The following GSAP variants were observed in gnomAD, a reference collection of about 807,000 sequenced individuals.
The protein encoded by GSAP is gamma-secretase activating protein.
A neutral mutation model predicts 131.7 loss-of-function variants in GSAP; 118 were observed. The ratio of observed to expected loss-of-function variants is 0.90; its 90% confidence interval spans 0.77 to 1.04. GSAP has a LOEUF of 1.04. Among genes scored for constraint, GSAP ranks in the 50% least tolerant of loss-of-function variants. GSAP has a pLI of 0.00. For synonymous variants in GSAP, 381 were observed against 363.4 expected (o/e 1.05, Z -0.55); for missense variants, 1,019 against 1,013.2 (o/e 1.01, Z -0.08).
chr7:77,351,705 AG>A, intron 18 of GSAP: 6 of 985,844 alleles, frequency 6.1e-6, no homozygotes, highest in Non-Finnish European at 7.2e-6. Context: ...GAAGTGCAAA[AG>A]GGAAGCGTTA....
intron 1 of GSAP, among the ~76,000 whole-genome samples, chr7:77,414,766 A>C (rs907558306): frequency 6.7e-6 from 1 of 149,376 alleles, no homozygotes; most frequent in Non-Finnish European, 1.5e-5. Flanking sequence ...AAAAAGGAGT[A>C]CTTGGTAGTA....
chr7:77,375,206 A>G, intron 10 of GSAP, 105 bp from the exon 11 acceptor site: 1 of 631,986 alleles, frequency 1.6e-6, no homozygotes, highest in South Asian at 2.0e-5. Context: ...ATGTTTGCCT[A>G]ATAATGATAT....
Position 77,314,420 on chromosome 7 carries a change from T to C in GSAP, c.2159A>G (p.Asp720Gly), listed in dbSNP as rs937912521. 1.9e-6 allele frequency: 3 copies of C among 1,613,758 alleles called. No individual in the cohort carries two copies. The highest frequency in any genetic ancestry group is 2.5e-6 in the Non-Finnish European group (3 of 1,179,768). Residue 720 changes from aspartate (D) to glycine (G), a missense_variant, in exon 27 of 31, where the codon GAC (aspartate) becomes GGC (glycine). By Grantham distance (94) the Asp-to-Gly change is moderately conservative. Transcript: ENST00000257626. Reference protein sequence around the residue: ...LPLHNLLHCIDSGVLLLTETA... With the variant: ...LPLHNLLHCIGSGVLLLTETA... ...TTCAGTGAGAAGCAACACTCCACTG[T>C]CAATGCAATGCAGCAGGTTATGCAA...
chr7:77,412,510 T>A (rs934480359), intron 1 of GSAP, among the ~76,000 whole-genome samples: 1 of 151,992 alleles, frequency 6.6e-6, no homozygotes, highest in Non-Finnish European at 1.5e-5. Flanking sequence ...TAATTTAGAC[T>A]ACATTAAAAT....
Position 77,352,926 on chromosome 7 carries a change from TAC to T in GSAP, c.1491+16_1491+17del, listed in dbSNP as rs754916187. 2.9e-5 allele frequency: 40 copies of T among 1,393,930 alleles called. No individual in the cohort carries two copies. Among genetic ancestry groups the T allele is most frequent in the Non-Finnish European group, 3.2e-5 (31 of 979,888 alleles). 86.3% of individuals were successfully genotyped at this position (1,393,930 alleles called of 1,614,324 possible). ...GAATTGATTTTATTTGCATACAGCA[TAC>T]ACAGTGTTAACTTACTGTATTCCAA... On this transcript the variant is annotated intron_variant, in intron 18 of 30. Transcript: ENST00000257626.
intron 1 of GSAP, among the ~76,000 whole-genome samples, chr7:77,407,381 GA>G (rs1360637048): frequency 6.6e-6 from 1 of 152,108 alleles, no homozygotes; most frequent in South Asian, 2.1e-4. Flanking sequence ...ATCCACTTGA[GA>G]TTTTTTCCTC....
At chr7:77,378,759 G>C (rs189782540) in intron 8 of GSAP, among the ~76,000 whole-genome samples, 1 of 152,282 alleles carries the variant, frequency 6.6e-6, no homozygotes, top group Admixed American at 6.5e-5. Context: ...CCCTTTCAGT[G>C]CATCAGCTGA....
At chr7:77,335,348 A>T (rs1018417125) in intron 19 of GSAP, among the ~76,000 whole-genome samples, 4 of 152,224 alleles carry the variant, frequency 2.6e-5, no homozygotes, top group Non-Finnish European at 5.9e-5. Context: ...CAGTAAGCCA[A>T]GAACATGCCA....
chr7:77,378,411 C>T (rs1797283144), intron 8 of GSAP, among the ~76,000 whole-genome samples: 1 of 151,860 alleles, frequency 6.6e-6, no homozygotes, highest in Non-Finnish European at 1.5e-5. Context: ...TTGAATCCAA[C>T]AGGCGGAGGT....
chr7:77,329,466 C>A, intron 20 of GSAP, 75 bp from the exon 21 acceptor site: 1 of 706,458 alleles, frequency 1.4e-6, no homozygotes, highest in South Asian at 2.1e-5. Flanking sequence ...GGATATAATG[C>A]AATACAGTTA....
chr7:77,315,610 GT>G (rs1794883773), intron 26 of GSAP: 2 of 152,288 alleles, frequency 1.3e-5, no homozygotes, highest in South Asian at 4.1e-4. Flanking sequence ...AAATAATAAT[GT>G]GTAAGTTGAA....
At chr7:77,362,537 G>C in intron 13 of GSAP, 46 bp downstream of exon 13, 1 of 1,030,564 alleles carries the variant, frequency 9.7e-7, no homozygotes, top group Non-Finnish European at 1.5e-6. Flanking sequence ...GCTACTATTT[G>C]GAAAAAGTTA....
At chr7:77,388,598 T>G (rs936234964) in intron 5 of GSAP, among the ~76,000 whole-genome samples, 2 of 152,248 alleles carry the variant, frequency 1.3e-5, no homozygotes, top group African/African-American at 2.4e-5. Flanking sequence ...AGGACTGGCC[T>G]TATATTTGAG....
rs144793374 is a variant in GSAP, at chr7:77,342,459, A to C, written c.1545+6892T>G. 1.7e-3 allele frequency among the ~76,000 whole-genome samples: 258 copies of C among 152,256 alleles called. 7 individuals carry two copies. In the South Asian group the frequency reaches 0.028, roughly 16 times the overall value. Reference sequence around the variant, plus strand: ...ACCTGCCCAGTTCCCTTATTAGGTCAAGACATTTTAACTAAATTATCTGCT... The same window carrying C: ...ACCTGCCCAGTTCCCTTATTAGGTCCAGACATTTTAACTAAATTATCTGCT... On this transcript the variant is annotated intron_variant, in intron 19 of 30. Transcript: ENST00000257626.
At chr7:77,373,133 T>A (rs1796384101) in intron 12 of GSAP, among the ~76,000 whole-genome samples, 1 of 152,192 alleles carries the variant, frequency 6.6e-6, no homozygotes, top group African/African-American at 2.4e-5. Flanking sequence ...TTGAAGACAC[T>A]AATATCTTCT....
chr7:77,396,399 C>T (rs1439139340), intron 5 of GSAP, among the ~76,000 whole-genome samples: 3 of 152,116 alleles, frequency 2.0e-5, no homozygotes, highest in Non-Finnish European at 4.4e-5. Flanking sequence ...GGGTAGATGC[C>T]TATACCTCTC....
intron 12 of GSAP, among the ~76,000 whole-genome samples, chr7:77,371,434 T>C (rs898041791): frequency 1.2e-4 from 1 of 8,094 alleles, no homozygotes; most frequent in African/African-American, 6.1e-4. Context: ...CTTTTTTCTT[T>C]TTTTTTTTTT....
At chr7:77,325,564 ATGT>A (rs985422259) in intron 23 of GSAP, among the ~76,000 whole-genome samples, 3 of 151,912 alleles carry the variant, frequency 2.0e-5, no homozygotes, top group African/African-American at 7.3e-5. Flanking sequence ...TGTTGTTTTT[ATGT>A]TGTTGTTTTG....
At chr7:77,361,740 G>T (rs1243266291) in intron 13 of GSAP, among the ~76,000 whole-genome samples, 1 of 152,044 alleles carries the variant, frequency 6.6e-6, no homozygotes, top group Non-Finnish European at 1.5e-5. Flanking sequence ...TAACTCCTTA[G>T]CATGGTTCAA....
Sources: gnomAD v4.1 joint callset for allele counts (sites outside exome capture counted in the v4.1 genomes callset) on GRCh38, gnomAD v4.1.1 for gene constraint, MANE v1.5 for transcripts, NCBI Gene and HGNC (gene_info 2026-07-23, HGNC 2026-07-21) for gene names.